The following REPS2 variants were observed in gnomAD, a reference collection of about 807,000 sequenced individuals.
The protein encoded by REPS2 is RALBP1 associated Eps domain containing 2, also known as ralBP1-associated Eps domain-containing protein 2.
Under a neutral mutation model 53.6 loss-of-function variants are expected in REPS2, and 23 were observed. The observed-to-expected ratio is 0.43, with a 90% confidence interval of 0.31 to 0.61. REPS2 has a LOEUF of 0.61. Ranked by LOEUF, REPS2 falls within the 20% of genes least tolerant of loss-of-function variation. The probability of loss-of-function intolerance (pLI) is 0.11; values close to 1 mark genes in which losing one functional copy is unlikely to be tolerated. For synonymous variants in REPS2, 238 were observed against 218.6 expected, an observed-to-expected ratio of 1.09 and a Z score of -0.78; for missense variants, 446 against 534.9, an observed-to-expected ratio of 0.83 and a Z score of 1.64.
chrX:16,956,284 GTTTTTTTTTTTTTT>G (rs869259012), intron 1 of REPS2, among the ~76,000 whole-genome samples: 3 of 24,747 alleles, frequency 1.2e-4, no homozygotes, highest in African/African-American at 5.9e-4. Flanking sequence ...AACCACAGCA[GTTTTTTTTTTTTTT>G]TTTTTTTTTT....
At chrX:16,967,051 C>T (rs774486901) in intron 1 of REPS2, among the ~76,000 whole-genome samples, 3 of 112,040 alleles carry the variant, frequency 2.7e-5, no homozygotes, top group South Asian at 7.4e-4. Context: ...CGTAATTCAG[C>T]CTGTGGGCCA....
At chrX:17,087,904 A>G (rs973594394) in intron 13 of REPS2, among the ~76,000 whole-genome samples, 2 of 109,294 alleles carry the variant, frequency 1.8e-5, no homozygotes, top group African/African-American at 6.7e-5. Context: ...AGCCTGGGCA[A>G]GGACAGAGTG....
chrX:17,051,284 A>C (rs753695449), intron 6 of REPS2, among the ~76,000 whole-genome samples: 5 of 111,879 alleles, frequency 4.5e-5, no homozygotes, highest in Non-Finnish European at 9.4e-5. Context: ...GGTTGCCTCC[A>C]AATCTCAGCT....
chrX:17,022,287 A>C lies in REPS2; in HGVS notation c.546+16A>C. The C allele has an allele frequency of 8.4e-7, 1 of 1,194,666 alleles. No individual in the cohort carries two copies. Among genetic ancestry groups the C allele is most frequent in the Non-Finnish European group, 1.1e-6 (1 of 884,065 alleles). On this transcript the variant is annotated intron_variant, in intron 3 of 17. Transcript: ENST00000357277. ...GGATAAACAGGTAAACAGTTTGTTC[A>C]GATGTGTTCATTTGATTCTGACCAT...
chrX:17,125,607 A>G (rs760193701), intron 14 of REPS2, among the ~76,000 whole-genome samples: 55 of 112,794 alleles, frequency 4.9e-4, no homozygotes, highest in African/African-American at 1.7e-3. Context: ...CCACTGGGCT[A>G]GAGGGTCTAG....
rs1371407615 is a variant in REPS2 at position 16,951,555 on chromosome X, ACACAC to A, written c.273+4423_273+4427del. ...CACACACACACACACACACACACAC[ACACAC>A]CCCCGCTACCTACCTCTCTCTGGGG... On this transcript the variant is annotated intron_variant, in intron 1 of 17. Coordinates refer to ENST00000357277, the MANE Select transcript of REPS2 (RefSeq NM_004726.3). Among the ~76,000 whole-genome samples the A allele has an allele frequency of 0.027, 640 of 23,994 alleles. 22 individuals carry two copies. The East Asian group carries it at 0.3, about 11-fold the overall frequency. The allele number at this position is 23,994 out of a possible 115,157, so 20.8% of individuals were successfully genotyped here.
chrX:17,154,548 G>A (rs748561395), downstream of REPS2, among the ~76,000 whole-genome samples: 22 of 112,344 alleles, frequency 2.0e-4, no homozygotes, highest in Admixed American at 6.6e-4. Context: ...ACCATCCAGG[G>A]TGGATGCTTA....
chrX:16,969,247 C>T (rs1301610235), intron 1 of REPS2, among the ~76,000 whole-genome samples: 4 of 109,425 alleles, frequency 3.7e-5, no homozygotes, highest in Non-Finnish European at 7.6e-5. Flanking sequence ...CCAGACTGGG[C>T]AGCCAGGCAG....
chrX:17,094,789 A>G (rs1416042809), intron 13 of REPS2, among the ~76,000 whole-genome samples: 5 of 111,357 alleles, frequency 4.5e-5, no homozygotes, highest in African/African-American at 1.3e-4. Context: ...TTAAAATTTC[A>G]TCTGTCACTC....
chrX:17,098,610 T>TTGTGTGTG (rs369203546), intron 13 of REPS2, among the ~76,000 whole-genome samples: 11 of 103,255 alleles, frequency 1.1e-4, no homozygotes, highest in Middle Eastern at 4.9e-3. Context: ...AAAAATGGTT[T>TTGTGTGTG]TGTGTGTGTG....
At chrX:17,034,996 C>T (rs2061749407) in intron 5 of REPS2, among the ~76,000 whole-genome samples, 1 of 110,037 alleles carries the variant, frequency 9.1e-6, no homozygotes, top group Non-Finnish European at 1.9e-5. Context: ...AGTTTCTTGC[C>T]GTACCTCCTC....
At chrX:16,988,566 C>T (rs778652001) in intron 1 of REPS2, among the ~76,000 whole-genome samples, 2 of 95,386 alleles carry the variant, frequency 2.1e-5, no homozygotes, top group Non-Finnish European at 4.3e-5. Context: ...GAAAACTATA[C>T]AATGCTGATG....
intron 8 of REPS2, among the ~76,000 whole-genome samples, chrX:17,059,548 A>G (rs771816311): frequency 8.2e-5 from 9 of 109,643 alleles, no homozygotes; most frequent in Non-Finnish European, 1.1e-4. Context: ...GCTCACTGCA[A>G]TCTCTGCCTC....
chrX:17,061,732 C>T (rs1335150210), intron 8 of REPS2, among the ~76,000 whole-genome samples: 5 of 112,214 alleles, frequency 4.5e-5, no homozygotes, highest in Admixed American at 2.8e-4. Flanking sequence ...AAGCAGAATC[C>T]GCTTCTAAGA....
chrX:17,021,752 C>T (rs2061580434), intron 2 of REPS2, among the ~76,000 whole-genome samples: 1 of 112,454 alleles, frequency 8.9e-6, no homozygotes, highest in Non-Finnish European at 1.9e-5. Flanking sequence ...ATCTTTAATA[C>T]TGTGCCTGGC....
At chrX:17,022,061 C>T in intron 2 of REPS2, 62 bp from the exon 3 acceptor site, 6 of 1,036,646 alleles carry the variant, frequency 5.8e-6, no homozygotes, top group Non-Finnish European at 7.8e-6. Context: ...CCATTGAGTT[C>T]CCCTTTTTTG....
intron 14 of REPS2, among the ~76,000 whole-genome samples, chrX:17,122,140 A>G (rs1163398667): frequency 3.6e-5 from 4 of 111,521 alleles, no homozygotes; most frequent in African/African-American, 1.3e-4. Flanking sequence ...GAACACATGC[A>G]TATAATCAGC....
chrX:17,028,725 G>A (rs1324082748), intron 4 of REPS2, among the ~76,000 whole-genome samples: 1 of 112,322 alleles, frequency 8.9e-6, no homozygotes, highest in East Asian at 2.8e-4. Context: ...TTGTAAGTAA[G>A]CTACAGAAAT....
the REPS2 span, among the ~76,000 whole-genome samples, chrX:17,193,173 A>G: frequency 8.9e-6 from 1 of 112,379 alleles, no homozygotes; most frequent in South Asian, 3.7e-4. Context: ...ACATTACCAA[A>G]CAGTCTTCTA....
Sources: allele counts gnomAD v4.1 joint callset (sites outside exome capture counted in the v4.1 genomes callset), GRCh38; gene constraint gnomAD v4.1.1; transcripts MANE v1.5; gene names NCBI Gene and HGNC (gene_info 2026-07-23, HGNC 2026-07-21).